Variants in FSTL5 observed in about 807,000 individuals in gnomAD.
FSTL5 encodes the protein follistatin-related protein 5.
In FSTL5, 62 loss-of-function variants were observed where a neutral mutation model predicts 89.1. The observed-to-expected ratio is 0.70, with a 90% confidence interval of 0.57 to 0.86. FSTL5 has a LOEUF of 0.86. Ranked by LOEUF, FSTL5 falls within the 40% of genes least tolerant of loss-of-function variation. The pLI is 0.00. For missense variants in FSTL5, 1,057 were observed against 1,001.6 expected, an observed-to-expected ratio of 1.06 and a Z score of -0.75; for synonymous variants, 383 against 346.2, an observed-to-expected ratio of 1.11 and a Z score of -1.18.
intron 4 of FSTL5, among the ~76,000 whole-genome samples, chr4:161,795,191 A>G (rs888557738): frequency 2.0e-5 from 3 of 152,110 alleles, no homozygotes; most frequent in African/African-American, 4.8e-5. Flanking sequence ...ATAAAAATGG[A>G]AGACATTTTA....
At chr4:162,055,723 G>A (rs1738522330) in intron 2 of FSTL5, among the ~76,000 whole-genome samples, 1 of 151,888 alleles carries the variant, frequency 6.6e-6, no homozygotes, top group Non-Finnish European at 1.5e-5. Flanking sequence ...GATTTACTAT[G>A]TATCAAAACT....
intron 6 of FSTL5, among the ~76,000 whole-genome samples, chr4:161,723,459 G>C (rs1739285484): frequency 6.6e-6 from 1 of 152,164 alleles, no homozygotes; most frequent in Non-Finnish European, 1.5e-5. Context: ...AGAATATTAG[G>C]CAGGGCACAA....
chr4:162,005,957 G>A (rs1331705190), intron 3 of FSTL5, among the ~76,000 whole-genome samples: 1 of 152,004 alleles, frequency 6.6e-6, no homozygotes, highest in East Asian at 1.9e-4. Context: ...CTGTTTTTAT[G>A]TTTTGGTCTC....
chr4:161,908,337 G>A (rs1733594657), intron 4 of FSTL5, among the ~76,000 whole-genome samples: 1 of 151,878 alleles, frequency 6.6e-6, no homozygotes, highest in African/African-American at 2.4e-5. Context: ...ATCTGTCCAT[G>A]ACACACATAC....
At chr4:161,484,448 A>G (rs1729612500) in intron 12 of FSTL5, among the ~76,000 whole-genome samples, 1 of 152,192 alleles carries the variant, frequency 6.6e-6, no homozygotes, top group Non-Finnish European at 1.5e-5. Context: ...CTATTCAAGT[A>G]TTCAAACATT....
At chr4:161,597,741 C>G (rs886295011) in intron 7 of FSTL5, among the ~76,000 whole-genome samples, 1 of 151,732 alleles carries the variant, frequency 6.6e-6, no homozygotes. Flanking sequence ...AATATGTAGA[C>G]CCAATGCAAT....
chr4:161,645,675 A>G (rs1434796202), intron 7 of FSTL5, among the ~76,000 whole-genome samples: 2 of 152,112 alleles, frequency 1.3e-5, no homozygotes, highest in Admixed American at 6.5e-5. Context: ...TTTTGTATTT[A>G]GGCAGAAAAT....
chr4:161,704,927 G>GT (rs1420371186), intron 6 of FSTL5, among the ~76,000 whole-genome samples: 1 of 151,672 alleles, frequency 6.6e-6, no homozygotes, highest in Non-Finnish European at 1.5e-5. Flanking sequence ...TGCCTTATTC[G>GT]TTTTTATTCC....
At chr4:161,976,518 G>A (rs1160064111) in intron 3 of FSTL5, among the ~76,000 whole-genome samples, 3 of 152,090 alleles carry the variant, frequency 2.0e-5, no homozygotes, top group Non-Finnish European at 4.4e-5. Flanking sequence ...GTCTTGCTCT[G>A]TCGCCCAGGC....
chr4:161,463,305 C>T (rs1311945731), intron 13 of FSTL5, among the ~76,000 whole-genome samples: 1 of 151,816 alleles, frequency 6.6e-6, no homozygotes, highest in Admixed American at 6.6e-5. Context: ...AAAAGTTCAC[C>T]AGAACTGAAA....
At chr4:161,659,496 C>T (rs1736634724) in intron 6 of FSTL5, among the ~76,000 whole-genome samples, 1 of 151,944 alleles carries the variant, frequency 6.6e-6, no homozygotes, top group Non-Finnish European at 1.5e-5. Flanking sequence ...TTTAATATTG[C>T]AAGTTAAAAA....
intron 7 of FSTL5, among the ~76,000 whole-genome samples, chr4:161,629,699 T>C (rs969895929): frequency 3.9e-5 from 6 of 152,152 alleles, no homozygotes; most frequent in Non-Finnish European, 8.8e-5. Flanking sequence ...TGGGATTTTT[T>C]TCCCCTAAGC....
intron 7 of FSTL5, among the ~76,000 whole-genome samples, chr4:161,607,952 C>A (rs1734509365): frequency 6.6e-6 from 1 of 152,030 alleles, no homozygotes; most frequent in Admixed American, 6.6e-5. Context: ...GCTTTTGTTA[C>A]CTTTATAACA....
At chr4:162,033,591 A>G (rs761221035) in intron 3 of FSTL5, 34 bp downstream of exon 3, 3 of 1,177,880 alleles carry the variant, frequency 2.5e-6, no homozygotes, top group Non-Finnish European at 3.6e-6. Context: ...TTATGAACTT[A>G]TATAATTGTT....
At chr4:161,481,801 T>C (rs927033888) in intron 12 of FSTL5, among the ~76,000 whole-genome samples, 2 of 152,160 alleles carry the variant, frequency 1.3e-5, no homozygotes, top group Non-Finnish European at 2.9e-5. Flanking sequence ...ACTGCATACT[T>C]TGTGTTAGAT....
intron 2 of FSTL5, among the ~76,000 whole-genome samples, chr4:162,099,355 T>A (rs1730894652): frequency 6.6e-6 from 1 of 152,148 alleles, no homozygotes; most frequent in East Asian, 1.9e-4. Flanking sequence ...AGCATTAATT[T>A]AAATGAATTA....
At chr4:162,005,621 G>A (rs1472004980) in intron 3 of FSTL5, among the ~76,000 whole-genome samples, 1 of 152,018 alleles carries the variant, frequency 6.6e-6, no homozygotes, top group African/African-American at 2.4e-5. Context: ...AGGTATTAGG[G>A]GAAGAGAATA....
intron 3 of FSTL5, among the ~76,000 whole-genome samples, chr4:161,975,068 A>G (rs1461733387): frequency 7.3e-6 from 1 of 137,138 alleles, no homozygotes; most frequent in East Asian, 2.2e-4. Context: ...ATCTCACACC[A>G]GTTAGAATGG....
At chr4:161,770,454 T>A (rs1260361607) in intron 5 of FSTL5, among the ~76,000 whole-genome samples, 1 of 151,980 alleles carries the variant, frequency 6.6e-6, no homozygotes, top group Admixed American at 6.6e-5. Context: ...AAGTGTCTCA[T>A]GTAACCCTTA....
Sources: allele counts gnomAD v4.1 joint callset (sites outside exome capture counted in the v4.1 genomes callset), GRCh38; gene constraint gnomAD v4.1.1; transcripts MANE v1.5; gene names NCBI Gene and HGNC (gene_info 2026-07-23, HGNC 2026-07-21).